Variants in ENKUR observed in about 807,000 individuals in gnomAD.
The protein encoded by ENKUR is enkurin.
In ENKUR, 19 loss-of-function variants were observed where a neutral mutation model predicts 27.6. The observed-to-expected ratio is 0.69, with a 90% CI of 0.48 to 1.01. The LOEUF (loss-of-function observed/expected upper bound fraction) is 1.01. ENKUR is among the 50% of genes least tolerant of loss of function. ENKUR has a pLI of 0.00. For missense variants in ENKUR, 312 were observed against 310.5 expected (o/e 1.00, Z -0.04); for synonymous variants, 117 against 96.9 (o/e 1.21, Z -1.22).
chr10:25,055,148 C>G (rs1332069362), intron 2 of ENKUR, among the ~76,000 whole-genome samples: 1 of 152,116 alleles, frequency 6.6e-6, no homozygotes, highest in Non-Finnish European at 1.5e-5. Flanking sequence ...CACCATTTCC[C>G]CCCACTAAAA....
chr10:25,003,175 T>C (rs577503782), intron 1 of ENKUR, among the ~76,000 whole-genome samples: 2,335 of 138,766 alleles, frequency 0.017, 23 homozygotes, highest in Middle Eastern at 0.028. Context: ...AATTAATTAA[T>C]TAATTAATTT....
intron 2 of ENKUR, among the ~76,000 whole-genome samples, chr10:24,997,696 C>T (rs1450306229): frequency 6.6e-6 from 1 of 151,874 alleles, no homozygotes; most frequent in Admixed American, 6.6e-5. Context: ...GCCCTAATAC[C>T]CTGAATTGAT....
intron 1 of ENKUR, among the ~76,000 whole-genome samples, chr10:25,003,335 T>C (rs1850237890): frequency 6.6e-6 from 1 of 152,134 alleles, no homozygotes; most frequent in Non-Finnish European, 1.5e-5. Flanking sequence ...GCCTCCTGAG[T>C]AGCTGGGACT....
chr10:25,035,834 A>T (rs1045053693), intron 2 of ENKUR, among the ~76,000 whole-genome samples: 1 of 152,218 alleles, frequency 6.6e-6, no homozygotes, highest in African/African-American at 2.4e-5. Flanking sequence ...GTTTGACTCA[A>T]GGTCATTCTT....
intron 2 of ENKUR, among the ~76,000 whole-genome samples, chr10:25,058,846 G>A (rs538459204): frequency 1.7e-4 from 26 of 151,598 alleles, no homozygotes; most frequent in African/African-American, 5.3e-4. Context: ...CAGGAGAATC[G>A]CTTGAACACA....
chr10:25,024,869 A>G, intron 2 of ENKUR: 1 of 1,614,080 alleles, frequency 6.2e-7, no homozygotes, highest in Non-Finnish European at 8.5e-7. Flanking sequence ...ACAGGACATT[A>G]TGATCTAAGG....
chr10:25,032,696 A>G (rs1850950391), intron 2 of ENKUR, among the ~76,000 whole-genome samples: 1 of 152,152 alleles, frequency 6.6e-6, no homozygotes, highest in African/African-American at 2.4e-5. Context: ...CATAGATCTC[A>G]ACTTTCCCTA....
intron 2 of ENKUR, among the ~76,000 whole-genome samples, chr10:25,052,250 C>G (rs1256771575): frequency 1.3e-5 from 2 of 152,178 alleles, no homozygotes; most frequent in Non-Finnish European, 2.9e-5. Flanking sequence ...AAACCTAAAT[C>G]TAGCCCTGGC....
At chr10:25,025,294 C>G (rs752620057) in intron 2 of ENKUR, 1 of 1,614,204 alleles carries the variant, frequency 6.2e-7, no homozygotes, top group South Asian at 1.1e-5. Context: ...TTCATCAAGT[C>G]AGCTCTATTT....
At chr10:25,053,618 T>A (rs1851213355) in intron 2 of ENKUR, among the ~76,000 whole-genome samples, 1 of 152,146 alleles carries the variant, frequency 6.6e-6, no homozygotes, top group Non-Finnish European at 1.5e-5. Context: ...TGACTTCAGG[T>A]TCATAGGACA....
chr10:25,001,987 G>A lies in ENKUR; in HGVS notation c.78-2441C>T, dbSNP rs1264874465. On this transcript the variant is annotated intron_variant, in intron 1 of 5. Coordinates refer to ENST00000331161, the MANE Select transcript of ENKUR (RefSeq NM_145010.4). ...TTTCTCTTCTTTTTCTCTTTCTGGTGTTCTTTAAATTTCTTCCTTAGCTTT... is the reference window on the plus strand; with the variant it reads ...TTTCTCTTCTTTTTCTCTTTCTGGTATTCTTTAAATTTCTTCCTTAGCTTT... Among the ~76,000 whole-genome samples the A allele has an allele frequency of 2.0e-5, 3 of 152,012 alleles. No homozygotes were observed. In the East Asian group the frequency reaches 5.8e-4, roughly 29 times the overall value.
chr10:25,020,506 C>T (rs970930717), upstream of ENKUR, among the ~76,000 whole-genome samples: 7 of 152,034 alleles, frequency 4.6e-5, no homozygotes, highest in African/African-American at 1.7e-4. Flanking sequence ...GTGGTTCATG[C>T]CTCTAATCCC....
At chr10:25,011,329 T>G (rs541557101) in intron 1 of ENKUR, among the ~76,000 whole-genome samples, 296 of 152,296 alleles carry the variant, frequency 1.9e-3, no homozygotes, top group South Asian at 3.3e-3. Context: ...GAGTTCATTG[T>G]AGATTCTGGA....
At chr10:25,012,595 A>C (rs1248023241) in intron 1 of ENKUR, among the ~76,000 whole-genome samples, 1 of 152,166 alleles carries the variant, frequency 6.6e-6, no homozygotes, top group Non-Finnish European at 1.5e-5. Context: ...GCCCTATTAG[A>C]ATCTGGACTT....
chr10:25,002,205 G>T (rs964812293), intron 1 of ENKUR, among the ~76,000 whole-genome samples: 2 of 152,160 alleles, frequency 1.3e-5, no homozygotes, highest in African/African-American at 4.8e-5. Flanking sequence ...GTGGGAACAC[G>T]AACTTTACCT....
chr10:25,012,685 A>C (rs987736855), intron 1 of ENKUR, among the ~76,000 whole-genome samples: 1 of 152,160 alleles, frequency 6.6e-6, no homozygotes, highest in Non-Finnish European at 1.5e-5. Flanking sequence ...CTGGACCCCC[A>C]TTGTATCTGG....
chr10:25,039,200 T>G (rs941379382), intron 2 of ENKUR, among the ~76,000 whole-genome samples: 2 of 152,224 alleles, frequency 1.3e-5, no homozygotes, highest in African/African-American at 4.8e-5. Flanking sequence ...TGATATCCAC[T>G]TGGAAATCAA....
chr10:25,018,396 G>C (rs112725084), upstream of ENKUR, among the ~76,000 whole-genome samples: 5 of 152,312 alleles, frequency 3.3e-5, no homozygotes, highest in African/African-American at 1.2e-4. Context: ...TGTCTATAAA[G>C]GGGTAGACAG....
intron 2 of ENKUR, chr10:25,024,313 C>T (rs779129050): frequency 1.2e-6 from 2 of 1,614,190 alleles, no homozygotes; most frequent in East Asian, 2.2e-5. Context: ...TATTTTTGCA[C>T]ACTGTATCCC....
Sources: gnomAD v4.1 joint callset for allele counts (sites outside exome capture counted in the v4.1 genomes callset) on GRCh38, gnomAD v4.1.1 for gene constraint, MANE v1.5 for transcripts, NCBI Gene and HGNC (gene_info 2026-07-23, HGNC 2026-07-21) for gene names.